The following GALNT2 variants were observed in gnomAD, a reference collection of about 807,000 sequenced individuals.
GALNT2 encodes the protein polypeptide N-acetylgalactosaminyltransferase 2.
Under a neutral mutation model 81.4 loss-of-function variants are expected in GALNT2, and 31 were observed. The ratio of observed to expected loss-of-function variants is 0.38; its 90% confidence interval spans 0.29 to 0.51. The LOEUF is 0.51. Ranked by LOEUF, GALNT2 falls within the 20% of genes least tolerant of loss-of-function variation. The pLI, the probability that GALNT2 is intolerant of heterozygous loss-of-function variation, is 0.87. For synonymous variants in GALNT2, 303 were observed against 287.4 expected (o/e 1.05, Z -0.55); for missense variants, 629 against 765.7 (o/e 0.82, Z 2.11).
At chr1:230,263,179 G>T in intron 13 of GALNT2, 174 bp downstream of exon 13, 1 of 609,760 alleles carries the variant, frequency 1.6e-6, no homozygotes, top group Non-Finnish European at 2.9e-6. Context: ...CTGCTCCCAA[G>T]TTGGCCTGCT....
chr1:230,082,505 A>G (rs1659765256), intron 1 of GALNT2, among the ~76,000 whole-genome samples: 2 of 152,156 alleles, frequency 1.3e-5, no homozygotes, highest in African/African-American at 4.8e-5. Flanking sequence ...GAGATCTCCA[A>G]TGTGCCATTC....
At chr1:230,114,167 A>G (rs1660778456) in intron 1 of GALNT2, among the ~76,000 whole-genome samples, 1 of 152,132 alleles carries the variant, frequency 6.6e-6, no homozygotes, top group African/African-American at 2.4e-5. Context: ...AGATTCTTGG[A>G]AACGGGCCAC....
chr1:230,215,973 G>T (rs1363021882), intron 3 of GALNT2, among the ~76,000 whole-genome samples: 2 of 152,192 alleles, frequency 1.3e-5, no homozygotes, highest in African/African-American at 4.8e-5. Context: ...TCCAGTATGT[G>T]AATGCCTCTG....
rs1665667366 is a variant in GALNT2, at chr1:230,255,121, G to A, written c.1010-97G>A. ...AGAGGGCATGGGAGCCCCATGATGGGATGGTCAGGGGGCCTCTGTACCTGC... is the reference window on the plus strand; with the variant it reads ...AGAGGGCATGGGAGCCCCATGATGGAATGGTCAGGGGGCCTCTGTACCTGC... On this transcript the variant is annotated intron_variant, in intron 10 of 15. Transcript: ENST00000366672. The A allele has an allele frequency of 2.4e-5, 38 of 1,555,908 alleles. 1 individual carries two copies. In the South Asian group the frequency reaches 2.8e-4, roughly 12 times the overall value.
intron 1 of GALNT2, among the ~76,000 whole-genome samples, chr1:230,161,314 C>T (rs1042186199): frequency 6.6e-6 from 1 of 152,216 alleles, no homozygotes; most frequent in Non-Finnish European, 1.5e-5. Flanking sequence ...AGCTTCCTTA[C>T]ACCATGGTGG....
At chr1:230,140,886 C>G (rs894059038) in intron 1 of GALNT2, among the ~76,000 whole-genome samples, 5 of 152,222 alleles carry the variant, frequency 3.3e-5, no homozygotes, top group Admixed American at 2.6e-4. Context: ...CAGAGGACCT[C>G]TTTTCCATTA....
At chr1:230,063,183 T>C (rs984090492), upstream of GALNT2, among the ~76,000 whole-genome samples, 1 of 151,918 alleles carries the variant, frequency 6.6e-6, no homozygotes, top group Non-Finnish European at 1.5e-5. Flanking sequence ...TGGTGGTACA[T>C]GCCTGTAGGC....
chr1:230,185,269 CGTGCGTGT>C (rs1170556241), intron 2 of GALNT2, among the ~76,000 whole-genome samples: 14 of 125,146 alleles, frequency 1.1e-4, no homozygotes, highest in African/African-American at 4.8e-4. Context: ...ACTGTGCGTG[CGTGCGTGT>C]GTGTGTGTGT....
At chr1:230,105,376 T>C (rs1226562394) in intron 1 of GALNT2, among the ~76,000 whole-genome samples, 1 of 152,140 alleles carries the variant, frequency 6.6e-6, no homozygotes. Context: ...TGTCGCACCA[T>C]ATCATTGATT....
At position 230,271,257 on chromosome 1, in the gene GALNT2, A is replaced by G. The variant is rs928872706; in HGVS notation, c.1441-3188A>G. On this transcript the variant is annotated intron_variant, in intron 14 of 15. Transcript: ENST00000366672. This position sits in a 1 kb window ranked among gnomAD's most constrained non-coding sequence, Gnocchi z 4.2. ...ATCCTGAACGCCATCTGCCTATGGGAAACACACACGGCTTCCTCTCTACAC... is the reference window on the plus strand; with the variant it reads ...ATCCTGAACGCCATCTGCCTATGGGGAACACACACGGCTTCCTCTCTACAC... Among the ~76,000 whole-genome samples the G allele has an allele frequency of 6.6e-6, 1 of 152,096 alleles. No individual in the cohort carries two copies. The highest frequency in any genetic ancestry group is 2.4e-5 in the African/African-American group (1 of 41,390).
At chr1:230,255,427 A>T in intron 11 of GALNT2, 83 bp downstream of exon 11, 1 of 1,570,818 alleles carries the variant, frequency 6.4e-7, no homozygotes, top group Non-Finnish European at 8.7e-7. Context: ...GTTTGAGGAC[A>T]GATGTCCTTC....
At chr1:230,110,240 C>G (rs1261491618) in intron 1 of GALNT2, among the ~76,000 whole-genome samples, 1 of 152,216 alleles carries the variant, frequency 6.6e-6, no homozygotes, top group Non-Finnish European at 1.5e-5. Flanking sequence ...CATTCCCTCC[C>G]CTCCTCACCT....
At chr1:230,171,205 G>A (rs1280556002) in intron 1 of GALNT2, among the ~76,000 whole-genome samples, 1 of 152,200 alleles carries the variant, frequency 6.6e-6, no homozygotes, top group Non-Finnish European at 1.5e-5. Context: ...TTGATCAGGG[G>A]AGGTCTTGGT....
intron 1 of GALNT2, among the ~76,000 whole-genome samples, chr1:230,156,043 G>A (rs73111911): frequency 0.024 from 3,710 of 152,134 alleles, 98 homozygotes; most frequent in East Asian, 0.062. Context: ...CTGTGGGTGG[G>A]TGATAGAAGA....
intron 1 of GALNT2, among the ~76,000 whole-genome samples, chr1:230,149,416 A>G (rs556160582): frequency 5.9e-5 from 9 of 152,224 alleles, no homozygotes; most frequent in African/African-American, 2.2e-4. Flanking sequence ...CAGGCTGCCA[A>G]TAGCTTGGTG....
At chr1:230,218,833 A>C (rs1664465032) in intron 3 of GALNT2, among the ~76,000 whole-genome samples, 1 of 152,248 alleles carries the variant, frequency 6.6e-6, no homozygotes, top group African/African-American at 2.4e-5. Context: ...GTGGTGACAC[A>C]TGGCCTGTTA....
upstream of GALNT2, among the ~76,000 whole-genome samples, chr1:230,064,082 TGTA>T (rs1437874718): frequency 1.3e-5 from 2 of 152,326 alleles, no homozygotes; most frequent in Admixed American, 6.5e-5. Context: ...TATATTTTGT[TGTA>T]GTGATTTTTA....
chr1:230,230,374 G>A (rs1014422635), intron 3 of GALNT2, among the ~76,000 whole-genome samples: 7 of 152,162 alleles, frequency 4.6e-5, no homozygotes, highest in African/African-American at 1.4e-4. Flanking sequence ...GAAATACCAC[G>A]ACCTTGCATG....
rs1297481449 is a variant in GALNT2 at position 230,257,397 on chromosome 1, C to T, written c.1136+2053C>T. 6.6e-6 allele frequency among the ~76,000 whole-genome samples: 1 copy of T among 152,142 alleles called. No homozygotes were observed. The highest frequency in any genetic ancestry group is 2.4e-5 in the African/African-American group (1 of 41,432). On this transcript the variant is annotated intron_variant, in intron 11 of 15. Transcript: ENST00000366672. This position sits in a 1 kb window ranked among gnomAD's most constrained non-coding sequence, Gnocchi z 4.6. ...CATGCACCTGTAACAGCGTTTCGGT[C>T]GGTGACAGTAGTCCCATAAGATTAT...
Sources: gnomAD v4.1 joint callset for allele counts (sites outside exome capture counted in the v4.1 genomes callset) on GRCh38, gnomAD v4.1.1 for gene constraint, Gnocchi (gnomAD v3.1) non-coding constraint, MANE v1.5 for transcripts, NCBI Gene and HGNC (gene_info 2026-07-23, HGNC 2026-07-21) for gene names.